Variants in HERC1 observed in about 807,000 individuals in gnomAD.
HERC1 encodes the protein probable E3 ubiquitin-protein ligase HERC1.
In HERC1, 160 loss-of-function variants were observed where a neutral mutation model predicts 554.3. The observed-to-expected ratio is 0.29, with a 90% confidence interval of 0.25 to 0.33. The LOEUF is 0.33. HERC1 is among the 10% of genes least tolerant of loss of function. The pLI, the probability that HERC1 is intolerant of heterozygous loss-of-function variation, is 1.00. For missense variants in HERC1, 4,919 were observed against 5,918.5 expected (o/e 0.83, Z 5.54); for synonymous variants, 2,175 against 2,131.7 (o/e 1.02, Z -0.56).
intron 1 of HERC1, among the ~76,000 whole-genome samples, chr15:63,821,472 C>A (rs1451173855): frequency 6.7e-6 from 1 of 150,022 alleles, no homozygotes; most frequent in Non-Finnish European, 1.5e-5. Context: ...AGGGGAATCA[C>A]TTGAACCAAG....
intron 1 of HERC1, among the ~76,000 whole-genome samples, chr15:63,798,526 T>A (rs998703750): frequency 2.0e-5 from 3 of 147,888 alleles, no homozygotes; most frequent in Non-Finnish European, 3.0e-5. Context: ...AAGTCCTTCC[T>A]CTTCATATCT....
At chr15:63,613,861 C>T (rs971702870) in intron 76 of HERC1, among the ~76,000 whole-genome samples, 1 of 152,036 alleles carries the variant, frequency 6.6e-6, no homozygotes, top group Non-Finnish European at 1.5e-5. Flanking sequence ...CTAAGGTTGT[C>T]CCATAAGGAT....
chr15:63,771,903 A>G (rs985241911), intron 2 of HERC1, among the ~76,000 whole-genome samples: 2 of 152,136 alleles, frequency 1.3e-5, no homozygotes, highest in African/African-American at 4.8e-5. Context: ...TAAAAAAAAA[A>G]TTATTTTAGA....
chr15:63,790,307 G>A (rs1336343235), intron 1 of HERC1, among the ~76,000 whole-genome samples: 4 of 152,142 alleles, frequency 2.6e-5, no homozygotes, highest in South Asian at 2.1e-4. Flanking sequence ...GGCTAGGCGC[G>A]GTGGCTCATG....
Position 63,674,859 on chromosome 15 carries a change from G to A in HERC1, c.7329C>T (p.Gly2443=), listed in dbSNP as rs1408803695. ...ESESALDMRT[G]LTSDDVKSQS... ...GACTTTTGACGTCATCAGATGTTAGGCCTGTTCGCATATCTAAAGCGGATT... is the reference window on the plus strand; with the variant it reads ...GACTTTTGACGTCATCAGATGTTAGACCTGTTCGCATATCTAAAGCGGATT... Residue 2443 remains glycine, a synonymous_variant, in exon 38 of 78, where the codon GGC becomes GGT. Coordinates refer to ENST00000443617, the MANE Select transcript of HERC1 (RefSeq NM_003922.4). The A allele has an allele frequency of 6.2e-7, 1 of 1,613,802 alleles. No individual in the cohort carries two copies. Among genetic ancestry groups the A allele is most frequent in the Admixed American group, 1.7e-5 (1 of 60,004 alleles).
intron 30 of HERC1, among the ~76,000 whole-genome samples, chr15:63,693,010 G>A (rs1418549131): frequency 2.0e-5 from 3 of 151,840 alleles, no homozygotes; most frequent in Non-Finnish European, 2.9e-5. Flanking sequence ...GCGAAACCCC[G>A]TCTCTAATAA....
chr15:63,680,132 T>C lies in HERC1; in HGVS notation c.6494A>G (p.Asp2165Gly), dbSNP rs1325617218. Residue 2165 changes from aspartate (D) to glycine (G), a missense_variant, in exon 36 of 78, where the codon GAT becomes GGT. Asp to Gly is a moderately conservative substitution (Grantham distance 94). Around this residue, in one of 11 missense-constraint regions of HERC1, gnomAD observed 85 missense variants for 163.2 expected, o/e 0.52. Coordinates refer to ENST00000443617, the MANE Select transcript of HERC1 (RefSeq NM_003922.4). This position sits in a 1 kb window ranked among gnomAD's most constrained non-coding sequence, Gnocchi z 5.8. ...CACACATGGGTACAACTCTGCTGCA[T>C]CCACATCTTCAAAAGCTAATTTGGG... is the stretch of plus-strand genomic sequence containing the variant. ...EEPKLAFEDVDAAELYPCVMF... is the reference protein window; with the variant it reads ...EEPKLAFEDVGAAELYPCVMF... The C allele has an allele frequency of 6.8e-6, 11 of 1,613,420 alleles. No homozygotes were observed. Among genetic ancestry groups the C allele is most frequent in the Non-Finnish European group, 9.3e-6 (11 of 1,179,520 alleles).
chr15:63,813,410 T>A (rs2077394979), intron 1 of HERC1, among the ~76,000 whole-genome samples: 1 of 151,862 alleles, frequency 6.6e-6, no homozygotes, highest in African/African-American at 2.4e-5. Context: ...AGAGCCACAC[T>A]TTATTCTTCT....
chr15:63,713,058 A>AT (rs1282873443), intron 23 of HERC1, among the ~76,000 whole-genome samples, 163 bp from the exon 24 acceptor site: 3 of 152,264 alleles, frequency 2.0e-5, no homozygotes, highest in Admixed American at 2.0e-4. Flanking sequence ...CCTTCTCAAA[A>AT]TAATTTGCAT....
intron 1 of HERC1, among the ~76,000 whole-genome samples, chr15:63,810,072 T>A (rs1256427065): frequency 6.6e-6 from 1 of 152,182 alleles, no homozygotes; most frequent in Non-Finnish European, 1.5e-5. Context: ...ATGAGGAAGA[T>A]CTACAATTAT....
At chr15:63,743,161 T>A (rs1299003419) in intron 12 of HERC1, among the ~76,000 whole-genome samples, 1 of 152,112 alleles carries the variant, frequency 6.6e-6, no homozygotes, top group Non-Finnish European at 1.5e-5. Context: ...TGACTTGCCC[T>A]TTGAGACTAT....
intron 54 of HERC1, among the ~76,000 whole-genome samples, chr15:63,648,461 A>G (rs2069473823): frequency 6.6e-6 from 1 of 152,262 alleles, no homozygotes; most frequent in African/African-American, 2.4e-5. Flanking sequence ...TGAAAAATAG[A>G]GACAAAAATT....
chr15:63,664,496 G>C lies in HERC1; in HGVS notation c.8654C>G (p.Ala2885Gly). Reference protein sequence around the residue: ...AVTRRHKFDLAARTLLARAAG... With the variant: ...AVTRRHKFDLGARTLLARAAG... The stretch of plus-strand genomic sequence containing the variant: ...TGCTCTTGCTAGCAGTGTGCGAGCA[G>C]CTAAGTCAAACTTGTGTCTTCTTGT... Residue 2885 changes from alanine to glycine, a missense_variant, in exon 43 of 78, where the codon GCT (alanine) becomes GGT (glycine). Physicochemically the swap from Ala to Gly is moderately conservative, Grantham distance 60. Around this residue, in one of 11 missense-constraint regions of HERC1, gnomAD observed 1,963 missense variants for 2,228.6 expected, o/e 0.88. Coordinates refer to ENST00000443617, the MANE Select transcript of HERC1 (RefSeq NM_003922.4). The C allele has an allele frequency of 1.2e-6, 2 of 1,613,690 alleles. No individual in the cohort carries two copies. Among genetic ancestry groups the C allele is most frequent in the Non-Finnish European group, 8.5e-7 (1 of 1,179,662 alleles).
In HERC1 at chr15:63,654,272, C is replaced by T; in HGVS notation, c.10137G>A (p.Leu3379=). ...CTGCCCATTGCCGATGCTGTGAGGA[C>T]AGCCTGGAGGAGAGGCAGCAGGCTG... ...ALAACCLSSR[L]SSQHRQWAAQ... Residue 3379 remains leucine (L), a synonymous_variant, in exon 51 of 78, where the codon CTG becomes CTA. Coordinates refer to ENST00000443617, the MANE Select transcript of HERC1 (RefSeq NM_003922.4). 1.2e-6 allele frequency: 2 copies of T among 1,614,016 alleles called. No individual in the cohort carries two copies. Among genetic ancestry groups the T allele is most frequent in the Non-Finnish European group, 1.7e-6 (2 of 1,179,878 alleles).
At chr15:63,744,586 C>G (rs2074984915) in intron 12 of HERC1, among the ~76,000 whole-genome samples, 1 of 152,116 alleles carries the variant, frequency 6.6e-6, no homozygotes. Flanking sequence ...ACTTGTGCCT[C>G]CCCTTTCCAA....
At chr15:63,624,548 A>T (rs1267032679) in intron 71 of HERC1, among the ~76,000 whole-genome samples, 1 of 152,090 alleles carries the variant, frequency 6.6e-6, no homozygotes, top group East Asian at 1.9e-4. Flanking sequence ...CACAAAAATT[A>T]GCTGGGCATG....
chr15:63,772,729 T>C (rs1347529126), intron 2 of HERC1, among the ~76,000 whole-genome samples: 1 of 152,156 alleles, frequency 6.6e-6, no homozygotes, highest in Non-Finnish European at 1.5e-5. Context: ...TATTACATCA[T>C]TGCATCCCTG....
chr15:63,622,619 C>T (rs1006805845), intron 74 of HERC1, among the ~76,000 whole-genome samples, 196 bp downstream of exon 74: 6 of 152,152 alleles, frequency 3.9e-5, no homozygotes, highest in Non-Finnish European at 5.9e-5. Context: ...AGGCGTAAGC[C>T]ACCATGCCTG....
chr15:63,831,221 C>A (rs376090615), intron 1 of HERC1, among the ~76,000 whole-genome samples: 21 of 152,170 alleles, frequency 1.4e-4, no homozygotes, highest in East Asian at 1.3e-3. Flanking sequence ...ATCCTCCCAT[C>A]TCAGCCTCCC....
Sources: gnomAD v4.1 joint callset for allele counts (sites outside exome capture counted in the v4.1 genomes callset) on GRCh38, gnomAD v4.1.1 for gene constraint, gnomAD v4.1.1 regional missense constraint, Gnocchi (gnomAD v3.1) non-coding constraint, MANE v1.5 for transcripts, NCBI Gene and HGNC (gene_info 2026-07-23, HGNC 2026-07-21) for gene names.